RGS7: variants seen among roughly 807,000 people sequenced by gnomAD.
The protein encoded by RGS7 is regulator of G-protein signaling 7.
RGS7 carries 27 observed loss-of-function variants against 81.1 expected under a neutral mutation model. The observed-to-expected ratio is 0.33, with a 90% CI of 0.25 to 0.46. The LOEUF is 0.46. Ranked by LOEUF, RGS7 falls within the 20% of genes least tolerant of loss-of-function variation. RGS7 has a pLI of 1.00. For synonymous variants in RGS7, 208 were observed against 207.7 expected (o/e 1.00, Z -0.01); for missense variants, 396 against 607.4 (o/e 0.65, Z 3.66).
At chr1:241,208,164 A>C (rs902645211) in intron 2 of RGS7, among the ~76,000 whole-genome samples, 5 of 152,094 alleles carry the variant, frequency 3.3e-5, no homozygotes, top group Non-Finnish European at 5.9e-5. Flanking sequence ...TCATCCTCCC[A>C]AAGTGCTGGG....
chr1:241,291,959 T>G (rs969514139), intron 2 of RGS7, among the ~76,000 whole-genome samples: 1 of 152,206 alleles, frequency 6.6e-6, no homozygotes, highest in Non-Finnish European at 1.5e-5. Context: ...TGTCATGGCC[T>G]CTTTAATCCA....
chr1:241,239,239 T>C lies in RGS7; in HGVS notation c.78+116460A>G, dbSNP rs572975978. 2.0e-5 allele frequency among the ~76,000 whole-genome samples: 3 copies of C among 151,960 alleles called. No homozygotes were observed. In the East Asian group the frequency reaches 5.8e-4, roughly 29 times the overall value. ...CCCACGGCCTCACAAAGTGCTGGGA[T>C]TACAGGTGTGAGCCACCGCGCCCGG... On this transcript the variant is annotated intron_variant, in intron 2 of 18. Coordinates refer to ENST00000440928, the MANE Select transcript of RGS7 (RefSeq NM_001364886.1).
At chr1:241,106,043 T>C (rs1374614017) in intron 2 of RGS7, among the ~76,000 whole-genome samples, 7 of 152,220 alleles carry the variant, frequency 4.6e-5, no homozygotes, top group Non-Finnish European at 7.3e-5. Flanking sequence ...TTTTCATAAT[T>C]TAAATTCGCC....
chr1:240,988,050 C>T (rs1685935140), intron 3 of RGS7, among the ~76,000 whole-genome samples: 1 of 152,036 alleles, frequency 6.6e-6, no homozygotes, highest in African/African-American at 2.4e-5. Context: ...ATTAACTGAT[C>T]TGTCAGTCCC....
chr1:241,183,985 G>C (rs1210781173), intron 2 of RGS7, among the ~76,000 whole-genome samples: 1 of 152,198 alleles, frequency 6.6e-6, no homozygotes, highest in Non-Finnish European at 1.5e-5. Context: ...CAGAACAGGA[G>C]TCGATGGGAG....
rs1046114625 is a variant in RGS7 at position 240,908,862 on chromosome 1, C to T, written c.385+21855G>A. 3.3e-5 allele frequency among the ~76,000 whole-genome samples: 5 copies of T among 152,298 alleles called. No homozygotes were observed. The South Asian group carries it at 8.3e-4, about 25-fold the overall frequency. ...TCAAAGAAAGACCTGAATTCCATTG[C>T]TCTGAGGACTAGAAAACAGCCCAGG... On this transcript the variant is annotated intron_variant, in intron 6 of 18. Coordinates refer to ENST00000440928, the MANE Select transcript of RGS7 (RefSeq NM_001364886.1).
At chr1:241,330,587 T>C (rs545829662) in intron 2 of RGS7, among the ~76,000 whole-genome samples, 2 of 152,302 alleles carry the variant, frequency 1.3e-5, no homozygotes, top group South Asian at 2.1e-4. Context: ...AAAACACTCA[T>C]GCATTAACAG....
chr1:240,806,399 C>T (rs2103072127), intron 14 of RGS7, 73 bp from the exon 15 acceptor site: 1 of 1,428,664 alleles, frequency 7.0e-7, no homozygotes, highest in Admixed American at 1.7e-5. Context: ...ATTTACGGAT[C>T]ATGCAGTTCA....
At chr1:240,811,569 G>A (rs1206178298) in intron 14 of RGS7, among the ~76,000 whole-genome samples, 1 of 152,182 alleles carries the variant, frequency 6.6e-6, no homozygotes, top group South Asian at 2.1e-4. Context: ...TGACAAATAG[G>A]TGATATTTTA....
rs1553268796 is a variant in RGS7, at chr1:241,147,780, T to TTACATATATATA, written c.79-49019_79-49018insTATATATATGTA. Among the ~76,000 whole-genome samples the TTACATATATATA allele has an allele frequency of 4.5e-3, 202 of 44,638 alleles. 6 individuals carry two copies. The highest frequency in any genetic ancestry group is 0.012 in the African/African-American group (187 of 15,406). The allele number at this position is 44,638 out of a possible 152,430, so 29.3% of individuals were successfully genotyped here. On this transcript the variant is annotated intron_variant, in intron 2 of 18. Coordinates refer to ENST00000440928, the MANE Select transcript of RGS7 (RefSeq NM_001364886.1). ...TTAAATATCCCATCTAGATTAAGTT[T>TTACATATATATA]TATATATATATATATATATATATAT... is the stretch of plus-strand genomic sequence containing the variant.
At chr1:241,055,751 G>A (rs2061446088) in intron 3 of RGS7, among the ~76,000 whole-genome samples, 1 of 152,180 alleles carries the variant, frequency 6.6e-6, no homozygotes, top group South Asian at 2.1e-4. Context: ...CATAAGTGGG[G>A]AGTGGAGATG....
At chr1:240,853,719 G>A (rs537292691) in intron 9 of RGS7, among the ~76,000 whole-genome samples, 51 of 151,824 alleles carry the variant, frequency 3.4e-4, no homozygotes, top group African/African-American at 1.0e-3. Context: ...GGGCTAACAC[G>A]GTGAAACCCC....
chr1:241,195,079 T>C (rs997403801), intron 2 of RGS7, among the ~76,000 whole-genome samples: 6 of 152,220 alleles, frequency 3.9e-5, no homozygotes, highest in Non-Finnish European at 8.8e-5. Context: ...TAGAAGCAAG[T>C]TGAAGTCCCA....
chr1:241,021,475 C>T (rs2059533011), intron 3 of RGS7, among the ~76,000 whole-genome samples: 1 of 152,208 alleles, frequency 6.6e-6, no homozygotes, highest in Admixed American at 6.5e-5. Flanking sequence ...ACAGTGAACA[C>T]ATCTCCGATT....
chr1:240,990,115 T>C lies in RGS7; in HGVS notation c.176-6986A>G, dbSNP rs180879747. On this transcript the variant is annotated intron_variant, in intron 3 of 18. Transcript: ENST00000440928. ...GGTCTCAGCTGCAGGGAGGTGCCCA[T>C]TCCTGTATCAGCCAACTGTGGCAAG... Among the ~76,000 whole-genome samples the C allele has an allele frequency of 8.3e-4, 126 of 152,300 alleles. 1 individual carries two copies. In the Middle Eastern group the frequency reaches 0.01, roughly 12 times the overall value.
At chr1:240,795,447 T>C (rs1390476571) in intron 18 of RGS7, among the ~76,000 whole-genome samples, 1 of 152,172 alleles carries the variant, frequency 6.6e-6, no homozygotes, top group Admixed American at 6.5e-5. Flanking sequence ...AAGTTATTTT[T>C]CCCTCTAGTG....
intron 2 of RGS7, among the ~76,000 whole-genome samples, chr1:241,298,405 G>A (rs1240088163): frequency 6.6e-6 from 1 of 152,186 alleles, no homozygotes; most frequent in Non-Finnish European, 1.5e-5. Context: ...GAAATAAAGT[G>A]CCTTAATCCA....
At chr1:241,255,616 T>A (rs12065665) in intron 2 of RGS7, among the ~76,000 whole-genome samples, 2 of 152,002 alleles carry the variant, frequency 1.3e-5, no homozygotes, top group African/African-American at 4.8e-5. Context: ...ACCATCCTGG[T>A]TGAAGCAGAC....
intron 9 of RGS7, among the ~76,000 whole-genome samples, chr1:240,859,477 T>C (rs187378583): frequency 5.3e-4 from 75 of 142,848 alleles, no homozygotes; most frequent in African/African-American, 1.8e-3. Flanking sequence ...CCATTTCATC[T>C]AGGCCTTCAA....
Sources: gnomAD v4.1 joint callset for allele counts (sites outside exome capture counted in the v4.1 genomes callset) on GRCh38, gnomAD v4.1.1 for gene constraint, MANE v1.5 for transcripts, NCBI Gene and HGNC (gene_info 2026-07-23, HGNC 2026-07-21) for gene names.